Variants in RASGRF2 observed in about 807,000 individuals in gnomAD.
RASGRF2 encodes the protein Ras protein specific guanine nucleotide releasing factor 2.
A neutral mutation model predicts 151.0 loss-of-function variants in RASGRF2; 76 were observed. The observed-to-expected ratio is 0.50, with a 90% CI of 0.42 to 0.61. The LOEUF (loss-of-function observed/expected upper bound fraction) is 0.61, where lower values mean the gene tolerates loss of function less well. RASGRF2 is among the 20% of genes least tolerant of loss of function. The pLI is 0.00. For missense variants in RASGRF2, 1,148 were observed against 1,564.6 expected (o/e 0.73, Z 4.49); for synonymous variants, 504 against 566.5 (o/e 0.89, Z 1.57).
chr5:81,199,323 A>T (rs1349183274), intron 18 of RASGRF2, among the ~76,000 whole-genome samples: 1 of 152,208 alleles, frequency 6.6e-6, no homozygotes, highest in Non-Finnish European at 1.5e-5. Context: ...AATTAGATCA[A>T]TTTATGCATT....
rs1747518598 is a variant in RASGRF2, at chr5:80,960,755, G to A, written c.17G>A (p.Arg6His). Residue 6 changes from arginine (R) to histidine (H), a missense_variant, in exon 1 of 27, where the codon CGC (arginine) becomes CAC (histidine). Coordinates refer to ENST00000265080, the MANE Select transcript of RASGRF2 (RefSeq NM_006909.3). The surrounding 1 kb of genome is among the most constrained non-coding windows in gnomAD (Gnocchi z 5.5). ...ACCCGCACCATGCAGAAGAGCGTGC[G>A]CTACAACGAGGGGCACGCCCTGTAC... is the stretch of plus-strand genomic sequence containing the variant. MQKSV[R>H]YNEGHALYLA... 1 of 1,598,560 alleles carries A rather than the reference G, an allele frequency of 6.3e-7. No individual in the cohort carries two copies. The highest frequency in any genetic ancestry group is 8.5e-7 in the Non-Finnish European group (1 of 1,170,276).
At chr5:81,162,046 T>G (rs1754396887) in intron 17 of RASGRF2, among the ~76,000 whole-genome samples, 2 of 152,114 alleles carry the variant, frequency 1.3e-5, no homozygotes, top group African/African-American at 2.4e-5. Context: ...TTTTTAAATA[T>G]GGGCTCAGTT....
chr5:80,977,525 C>T (rs1238845761), intron 1 of RASGRF2, among the ~76,000 whole-genome samples: 2 of 152,022 alleles, frequency 1.3e-5, no homozygotes, highest in African/African-American at 4.8e-5. Flanking sequence ...TGCAATGACA[C>T]AATCTCAGCT....
intron 2 of RASGRF2, among the ~76,000 whole-genome samples, chr5:81,065,944 C>A (rs1005367049): frequency 5.3e-5 from 8 of 152,092 alleles, no homozygotes; most frequent in Non-Finnish European, 1.2e-4. Flanking sequence ...GGGAGGGGGA[C>A]GTTGGTGATG....
intron 1 of RASGRF2, among the ~76,000 whole-genome samples, chr5:80,986,540 G>A: frequency 6.6e-6 from 1 of 152,192 alleles, no homozygotes; most frequent in East Asian, 1.9e-4. Context: ...GGGGCATTCT[G>A]TATGGTAAAA....
chr5:81,153,012 A>T (rs144437847), intron 17 of RASGRF2, among the ~76,000 whole-genome samples: 1 of 152,190 alleles, frequency 6.6e-6, no homozygotes, highest in Non-Finnish European at 1.5e-5. Context: ...AACTAGCCTG[A>T]AGTTGTGATT....
At chr5:81,077,032 GA>G (rs1288982130) in intron 5 of RASGRF2, among the ~76,000 whole-genome samples, 2 of 152,188 alleles carry the variant, frequency 1.3e-5, no homozygotes, top group East Asian at 3.8e-4. Context: ...ATACAAGGAA[GA>G]GATTATAATA....
At chr5:81,112,056 C>T (rs1753010499) in intron 13 of RASGRF2, among the ~76,000 whole-genome samples, 1 of 152,114 alleles carries the variant, frequency 6.6e-6, no homozygotes, top group African/African-American at 2.4e-5. Context: ...AGAAGGAATC[C>T]ACAGAGTGAG....
At chr5:81,069,083 T>C (rs7722354) in intron 3 of RASGRF2, among the ~76,000 whole-genome samples, 23,814 of 152,274 alleles carry the variant, frequency 0.16, 2,245 homozygotes, top group East Asian at 0.37. Context: ...GTTTTGGCAA[T>C]GTTCTTGTCA....
At chr5:81,157,150 G>A (rs1754278712) in intron 17 of RASGRF2, among the ~76,000 whole-genome samples, 1 of 151,986 alleles carries the variant, frequency 6.6e-6, no homozygotes, top group Admixed American at 6.6e-5. Flanking sequence ...CGGATCACGA[G>A]GTCAGGAGAT....
chr5:81,047,785 T>C (rs935401939), intron 2 of RASGRF2, among the ~76,000 whole-genome samples: 9 of 152,200 alleles, frequency 5.9e-5, no homozygotes, highest in Non-Finnish European at 1.2e-4. Context: ...TAAAGAAAGC[T>C]GTAATGCAGC....
At chr5:81,004,780 A>AT (rs1749209993) in intron 1 of RASGRF2, among the ~76,000 whole-genome samples, 2 of 152,232 alleles carry the variant, frequency 1.3e-5, no homozygotes, top group South Asian at 4.1e-4. Flanking sequence ...TAACACAACC[A>AT]AATGCAGTGC....
intron 1 of RASGRF2, among the ~76,000 whole-genome samples, chr5:81,024,835 G>A (rs1749963290): frequency 1.3e-5 from 2 of 152,212 alleles, no homozygotes; most frequent in Non-Finnish European, 2.9e-5. Context: ...TCAGTTTGGT[G>A]ATTAATATGT....
At position 81,138,744 on chromosome 5, in the gene RASGRF2, C is replaced by G. The variant is rs370492369; in HGVS notation, c.2686+11581C>G. Among the ~76,000 whole-genome samples, 98 of 148,162 alleles carry G rather than the reference C, an allele frequency of 6.6e-4. 2 individuals carry two copies. The highest frequency in any genetic ancestry group is 2.3e-3 in the African/African-American group (93 of 40,230). Reference sequence around the variant, plus strand: ...CGACTTCAGCTCCAGGTAGGCAGATCTGTGTCTCTCTGGATGTGCTTGTTT... The same window carrying G: ...CGACTTCAGCTCCAGGTAGGCAGATGTGTGTCTCTCTGGATGTGCTTGTTT... On this transcript the variant is annotated intron_variant, in intron 17 of 26. Coordinates refer to ENST00000265080, the MANE Select transcript of RASGRF2 (RefSeq NM_006909.3).
intron 18 of RASGRF2, among the ~76,000 whole-genome samples, chr5:81,187,285 A>G (rs746459157): frequency 1.3e-4 from 20 of 152,234 alleles, no homozygotes; most frequent in Non-Finnish European, 2.4e-4. Context: ...TAGCATGGCT[A>G]AAAAGCTGGA....
At chr5:81,080,350 G>T in intron 6 of RASGRF2, 150 bp downstream of exon 6, 1 of 1,431,406 alleles carries the variant, frequency 7.0e-7, no homozygotes, top group East Asian at 2.4e-5. Flanking sequence ...CTTGCCTTTT[G>T]GGTACTTTGG....
intron 1 of RASGRF2, among the ~76,000 whole-genome samples, chr5:81,008,287 AT>A (rs1406628812): frequency 6.6e-6 from 1 of 151,326 alleles, no homozygotes; most frequent in Non-Finnish European, 1.5e-5. Context: ...AGTAGCTGGG[AT>A]TACAGGCATG....
chr5:81,230,129 A>G lies in RASGRF2; in HGVS notation c.*4359A>G, dbSNP rs773696899. On this transcript the variant is annotated 3_prime_UTR_variant, in exon 27 of 27. Coordinates refer to ENST00000265080, the MANE Select transcript of RASGRF2 (RefSeq NM_006909.3). Reference sequence around the variant, plus strand: ...CAAGTGAGGTGTAGGTTATGCCTATATGCAAATTAAACTTCACCTTTCTTG... The same window carrying G: ...CAAGTGAGGTGTAGGTTATGCCTATGTGCAAATTAAACTTCACCTTTCTTG... 1 of 152,248 alleles carries G rather than the reference A, an allele frequency of 6.6e-6. No homozygotes were observed. Among genetic ancestry groups the G allele is most frequent in the South Asian group, 2.1e-4 (1 of 4,834 alleles). 9.4% of individuals were successfully genotyped at this position (152,248 alleles called of 1,614,324 possible).
Position 81,112,697 on chromosome 5 carries a change from C to T in RASGRF2, c.1926C>T (p.Ala642=). 6.2e-7 allele frequency: 1 copy of T among 1,614,190 alleles called. No individual in the cohort carries two copies. The change falls in exon 14 of 27, where the codon GCC becomes GCT. Residue 642 remains alanine (A), a synonymous_variant. Coordinates refer to ENST00000265080, the MANE Select transcript of RASGRF2 (RefSeq NM_006909.3). ...NSCKVPQIRY[A]SVERLLERLT... is the part of the protein sequence containing the mutation. ...GCAAAGTGCCCCAGATCCGTTATGC[C>T]AGCGTGGAGCGCCTCTTGGAACGAC...
Sources: allele counts gnomAD v4.1 joint callset (sites outside exome capture counted in the v4.1 genomes callset), GRCh38; gene constraint gnomAD v4.1.1; non-coding constraint Gnocchi (gnomAD v3.1); transcripts MANE v1.5; gene names NCBI Gene and HGNC (gene_info 2026-07-23, HGNC 2026-07-21).